PRMT3: variants seen among roughly 807,000 people sequenced by gnomAD.
PRMT3 encodes the protein protein arginine N-methyltransferase 3.
A neutral mutation model predicts 71.9 loss-of-function variants in PRMT3; 62 were observed. That is an observed-to-expected ratio of 0.86 (90% CI 0.70 to 1.07). PRMT3 has a LOEUF of 1.07. Ranked by LOEUF, PRMT3 falls within the 50% of genes least tolerant of loss-of-function variation. The probability of loss-of-function intolerance (pLI) is 0.00; values close to 1 mark genes in which losing one functional copy is unlikely to be tolerated. For missense variants in PRMT3, 663 were observed against 643.0 expected (o/e 1.03, Z -0.34); for synonymous variants, 213 against 220.4 (o/e 0.97, Z 0.30).
intron 9 of PRMT3, among the ~76,000 whole-genome samples, chr11:20,408,396 C>T (rs566311205): frequency 6.6e-6 from 1 of 152,040 alleles, no homozygotes; most frequent in East Asian, 1.9e-4. Context: ...GTAATATTTT[C>T]TTTAGCAAAT....
chr11:20,421,320 G>A (rs1485864994), intron 9 of PRMT3, among the ~76,000 whole-genome samples: 1 of 152,142 alleles, frequency 6.6e-6, no homozygotes, highest in Non-Finnish European at 1.5e-5. Flanking sequence ...TTATAAGCAT[G>A]AGCCACCACT....
At chr11:20,397,823 G>T (rs1222578622) in intron 7 of PRMT3, 102 bp downstream of exon 7, 19 of 1,268,672 alleles carry the variant, frequency 1.5e-5, no homozygotes, top group Non-Finnish European at 1.7e-5. Context: ...TTTTTTTTGG[G>T]TGGGGAGAAC....
At chr11:20,504,739 A>AGC (rs1851547042) in intron 15 of PRMT3, among the ~76,000 whole-genome samples, 1 of 150,606 alleles carries the variant, frequency 6.6e-6, no homozygotes, top group South Asian at 2.1e-4. Context: ...AGAGAGAGAG[A>AGC]GAGAGAGCGA....
At chr11:20,417,498 C>G (rs1849332865) in intron 9 of PRMT3, among the ~76,000 whole-genome samples, 1 of 152,102 alleles carries the variant, frequency 6.6e-6, no homozygotes, top group African/African-American at 2.4e-5. Flanking sequence ...GTTTGCTTGT[C>G]TGTCTCCCCA....
chr11:20,497,260 G>A (rs531527134), intron 15 of PRMT3, among the ~76,000 whole-genome samples: 95 of 152,280 alleles, frequency 6.2e-4, no homozygotes, highest in Non-Finnish European at 1.2e-3. Context: ...TAGAGTAACT[G>A]GTTTGTGCTT....
intron 2 of PRMT3, among the ~76,000 whole-genome samples, chr11:20,389,477 T>G (rs1461568077): frequency 2.0e-5 from 3 of 152,218 alleles, no homozygotes; most frequent in Non-Finnish European, 4.4e-5. Context: ...TTTGATAAAA[T>G]CAGTGATATT....
intron 2 of PRMT3, among the ~76,000 whole-genome samples, chr11:20,389,124 T>C (rs1287964614): frequency 6.6e-6 from 1 of 152,204 alleles, no homozygotes; most frequent in Non-Finnish European, 1.5e-5. Flanking sequence ...GCTCCACATG[T>C]GTTAGGAATA....
intron 13 of PRMT3, among the ~76,000 whole-genome samples, chr11:20,485,774 G>A (rs1177083495): frequency 6.6e-6 from 1 of 152,212 alleles, no homozygotes; most frequent in African/African-American, 2.4e-5. Flanking sequence ...AGTATTTAAA[G>A]AGATGATGGC....
chr11:20,412,028 G>A (rs1849204256), intron 9 of PRMT3, among the ~76,000 whole-genome samples: 1 of 152,098 alleles, frequency 6.6e-6, no homozygotes, highest in East Asian at 1.9e-4. Context: ...TGAACAAGTA[G>A]ATGTATTTAA....
chr11:20,502,801 A>C (rs893733109), intron 15 of PRMT3, among the ~76,000 whole-genome samples: 4 of 152,180 alleles, frequency 2.6e-5, no homozygotes, highest in Non-Finnish European at 5.9e-5. Flanking sequence ...ACAAATGTAC[A>C]AAAATGAAAT....
In PRMT3 at chr11:20,452,206, CG is replaced by C; in HGVS notation, c.1072+1del. 6.3e-7 allele frequency: 1 copy of C among 1,597,086 alleles called. No individual in the cohort carries two copies. The highest frequency in any genetic ancestry group is 8.6e-7 in the Non-Finnish European group (1 of 1,165,284). Reference sequence around the variant, plus strand: ...AACAAATACTTGGCAAAAGGAGGCTCGGGTGAGTATAAAATTCTGGTTTTAA... The same window carrying C: ...AACAAATACTTGGCAAAAGGAGGCTCGGTGAGTATAAAATTCTGGTTTTAA... ...AKNKYLAKGG[S>X]VYPDICTISL... On this transcript the variant is annotated frameshift_variant and splice_region_variant, in exon 11 of 16. Transcript: ENST00000331079. LOFTEE classifies it high-confidence loss of function.
intron 13 of PRMT3, among the ~76,000 whole-genome samples, chr11:20,477,402 CA>C (rs1850817866): frequency 6.6e-6 from 1 of 151,960 alleles, no homozygotes; most frequent in Non-Finnish European, 1.5e-5. Flanking sequence ...ACTAAAAATA[CA>C]AAAATTAGCC....
rs60891714 is a variant in PRMT3, at chr11:20,398,428, G to C, written c.705+707G>C. ...TGGTCAGTCAGACTGGTGTGATGGT[G>C]CTTCCATGAGACTATAATGCCATAT... On this transcript the variant is annotated intron_variant, in intron 7 of 15. Transcript: ENST00000331079. Among the ~76,000 whole-genome samples, 554 of 152,220 alleles carry C rather than the reference G, an allele frequency of 3.6e-3. 5 individuals are homozygous for C. The highest frequency in any genetic ancestry group is 0.013 in the African/African-American group (529 of 41,554).
At position 20,389,714 on chromosome 11, in the gene PRMT3, AT is replaced by A; in HGVS notation, c.165-28del. 4 of 1,493,282 alleles carry A rather than the reference AT, an allele frequency of 2.7e-6. No homozygotes were observed. In the East Asian group the frequency reaches 9.1e-5, roughly 34 times the overall value. 92.5% of individuals were successfully genotyped at this position (1,493,282 alleles called of 1,614,324 possible). A position where few individuals can be genotyped will look rare whatever the true frequency, so the allele number is the denominator to read the frequency against. On this transcript the variant is annotated intron_variant, in intron 2 of 15. Coordinates refer to ENST00000331079, the MANE Select transcript of PRMT3 (RefSeq NM_005788.4). ...CAGTATTTAGACTTCTTAGGGGACT[AT>A]TCCATGAAGCTATTGCTTGATTTTT...
intron 15 of PRMT3, among the ~76,000 whole-genome samples, 166 bp downstream of exon 15, chr11:20,494,420 A>G (rs760349535): frequency 2.0e-5 from 3 of 152,186 alleles, no homozygotes; most frequent in Non-Finnish European, 4.4e-5. Flanking sequence ...TGCAACCTCC[A>G]TCCCCTGGGT....
rs772605780 is a variant in PRMT3 at position 20,397,721 on chromosome 11, G to A, written c.705G>A (p.Lys235=). ...GHYGIHEEML[K]DKIRTESYRD... ...ATGGGATACATGAAGAAATGCTAAA[G>A]GTTAGAAAAGAACACAAATGCGTCA... Residue 235 remains lysine, a splice_region_variant and synonymous_variant, in exon 7 of 16, where the codon AAG becomes AAA. Transcript: ENST00000331079. 5.6e-6 allele frequency: 9 copies of A among 1,612,674 alleles called. No individual in the cohort carries two copies. Among genetic ancestry groups the A allele is most frequent in the Admixed American group, 3.4e-5 (2 of 59,614 alleles).
intron 9 of PRMT3, among the ~76,000 whole-genome samples, chr11:20,416,406 A>T (rs1849305641): frequency 6.6e-6 from 1 of 152,144 alleles, no homozygotes; most frequent in Admixed American, 6.5e-5. Flanking sequence ...AGGAATGTAA[A>T]CTTTACTAAA....
intron 12 of PRMT3, among the ~76,000 whole-genome samples, chr11:20,463,396 A>G (rs772274195): frequency 6.6e-6 from 1 of 152,140 alleles, no homozygotes; most frequent in East Asian, 1.9e-4. Context: ...TTGGCTCAGG[A>G]TAGGAGTGTA....
intron 7 of PRMT3, among the ~76,000 whole-genome samples, chr11:20,399,838 AT>A (rs1848911205): frequency 6.6e-6 from 1 of 152,180 alleles, no homozygotes; most frequent in African/African-American, 2.4e-5. Flanking sequence ...GTACATATAG[AT>A]TTAAGAAGTT....
Sources: gnomAD v4.1 joint callset for allele counts (sites outside exome capture counted in the v4.1 genomes callset) on GRCh38, gnomAD v4.1.1 for gene constraint, MANE v1.5 for transcripts, NCBI Gene and HGNC (gene_info 2026-07-23, HGNC 2026-07-21) for gene names.